BRF1: variants seen among roughly 807,000 people sequenced by gnomAD.
BRF1 encodes the protein BRF1 general transcription factor IIIB subunit, also known as transcription factor IIIB 90 kDa subunit.
BRF1 carries 59 observed loss-of-function variants against 81.7 expected under a neutral mutation model. The observed-to-expected ratio is 0.72, with a 90% CI of 0.59 to 0.90. The LOEUF (loss-of-function observed/expected upper bound fraction) is 0.90. Among genes scored for constraint, BRF1 ranks in the 40% least tolerant of loss-of-function variants. The pLI is 0.00. For missense variants in BRF1, 1,050 were observed against 936.3 expected (o/e 1.12, Z -1.58); for synonymous variants, 491 against 395.6 (o/e 1.24, Z -2.86).
Position 105,271,833 on chromosome 14 carries a change from C to T in BRF1, c.439+888G>A, listed in dbSNP as rs984850019. Among the ~76,000 whole-genome samples, 4 of 151,826 alleles carry T rather than the reference C, an allele frequency of 2.6e-5. No homozygotes were observed. The highest frequency in any genetic ancestry group is 1.3e-4 in the Admixed American group (2 of 15,266). On this transcript the variant is annotated intron_variant, in intron 3 of 17. Coordinates refer to ENST00000547530, the MANE Select transcript of BRF1 (RefSeq NM_001519.4). This position sits in a 1 kb window ranked among gnomAD's most constrained non-coding sequence, Gnocchi z 5.5. ...GGCCAAGCTGCACACCGCTGAGGGT[C>T]GGCAGCCTCCCCGCCCACCGCCTGC...
intron 2 of BRF1, 37 bp downstream of exon 2, chr14:105,286,259 C>A (rs1179941077): frequency 3.2e-6 from 5 of 1,587,198 alleles, no homozygotes; most frequent in Non-Finnish European, 4.3e-6. Flanking sequence ...TCTCTGGGAC[C>A]CGCCGCACGC....
At chr14:105,226,583 C>G (rs747705320) in intron 8 of BRF1, 51 bp downstream of exon 8, 4 of 1,607,146 alleles carry the variant, frequency 2.5e-6, no homozygotes, top group Non-Finnish European at 3.4e-6. Context: ...TGTGTGGCTT[C>G]CCCCCAAGGC....
chr14:105,257,984 C>G (rs74092241), intron 3 of BRF1, among the ~76,000 whole-genome samples: 3 of 152,166 alleles, frequency 2.0e-5, no homozygotes, highest in African/African-American at 7.2e-5. Flanking sequence ...TTTGTGAAAA[C>G]CCATAGAAGG....
At chr14:105,214,631 A>G (rs1460651695) in intron 15 of BRF1, among the ~76,000 whole-genome samples, 1 of 151,986 alleles carries the variant, frequency 6.6e-6, no homozygotes, top group Non-Finnish European at 1.5e-5. Flanking sequence ...AGGTGGCCAG[A>G]GGGAGATGGG....
intron 16 of BRF1, 144 bp from the exon 17 acceptor site, chr14:105,211,437 G>T: frequency 1.4e-6 from 1 of 713,926 alleles, no homozygotes; most frequent in East Asian, 2.9e-5. Context: ...GGGCTCCCAG[G>T]CCCACTGGCC....
At chr14:105,249,103 G>A (rs749682167) in intron 5 of BRF1, 4 of 1,492,924 alleles carry the variant, frequency 2.7e-6, no homozygotes, top group Middle Eastern at 2.2e-4. Flanking sequence ...CGTGCCCCGC[G>A]GCCCCCGCGC....
At chr14:105,211,863 C>T in intron 16 of BRF1, 1 of 563,918 alleles carries the variant, frequency 1.8e-6, no homozygotes, top group East Asian at 3.0e-5. Context: ...CAAGGCTGCT[C>T]AGCCTTGGCC....
chr14:105,296,992 T>C lies in BRF1; in HGVS notation c.184+3454A>G, dbSNP rs140855978. On this transcript the variant is annotated intron_variant, in intron 1 of 17. Transcript: ENST00000547530. Reference sequence around the variant, plus strand: ...GGCCAACATGGTGAAACCCTGTCTCTACTAAAAATACAAAAATTAGCCAGG... The same window carrying C: ...GGCCAACATGGTGAAACCCTGTCTCCACTAAAAATACAAAAATTAGCCAGG... 8.7e-3 allele frequency among the ~76,000 whole-genome samples: 1,312 copies of C among 151,480 alleles called. 16 individuals are homozygous for C. Among genetic ancestry groups the C allele is most frequent in the African/African-American group, 0.03 (1,237 of 41,272 alleles).
upstream of BRF1, among the ~76,000 whole-genome samples, chr14:105,302,337 G>A (rs2058064232): frequency 6.6e-6 from 1 of 151,336 alleles, no homozygotes; most frequent in African/African-American, 2.4e-5. Flanking sequence ...CCGAGTAGCT[G>A]GGATTACAGG....
In BRF1 at chr14:105,209,964, A is replaced by G. The variant is rs1283355401; in HGVS notation, c.*587T>C. 9 of 303,974 alleles carry G rather than the reference A, an allele frequency of 3.0e-5. No homozygotes were observed. Among genetic ancestry groups the G allele is most frequent in the African/African-American group, 1.1e-4 (5 of 46,008 alleles). The allele number at this position is 303,974 out of a possible 1,614,324, so 18.8% of individuals were successfully genotyped here. A position where few individuals can be genotyped will look rare whatever the true frequency, so the allele number is the denominator to read the frequency against. ...GGTGTCTGCCTCGGACGAGGCAGGT[A>G]TCTGGATGCAGGGCCACAGCTGGAG... On this transcript the variant is annotated 3_prime_UTR_variant, in exon 18 of 18. Transcript: ENST00000547530.
intron 1 of BRF1, among the ~76,000 whole-genome samples, chr14:105,291,502 C>G (rs1038863796): frequency 3.9e-5 from 6 of 152,032 alleles, no homozygotes; most frequent in Admixed American, 2.0e-4. Flanking sequence ...AGGGCGAAAC[C>G]CCGTCTCTAC....
At chr14:105,218,238 C>T (rs587621962) in intron 14 of BRF1, among the ~76,000 whole-genome samples, 4 of 152,298 alleles carry the variant, frequency 2.6e-5, no homozygotes, top group South Asian at 4.1e-4. Context: ...CCCAGCTGCC[C>T]GAAGACCCTG....
rs1333868845 is a variant in BRF1 at position 105,209,449 on chromosome 14, C to G, written c.*1102G>C. 1 of 696,846 alleles carries G rather than the reference C, an allele frequency of 1.4e-6. No homozygotes were observed. The highest frequency in any genetic ancestry group is 1.5e-5 in the South Asian group (1 of 66,614). The allele number at this position is 696,846 out of a possible 1,614,324, so 43.2% of individuals were successfully genotyped here. A position where few individuals can be genotyped will look rare whatever the true frequency, so the allele number is the denominator to read the frequency against. On this transcript the variant is annotated 3_prime_UTR_variant, in exon 18 of 18. Coordinates refer to ENST00000547530, the MANE Select transcript of BRF1 (RefSeq NM_001519.4). ...TTGGGGCAGGACATACAGCCCATTCCATGGGGAGGATGAGGCCCCTGGGGG... is the reference window on the plus strand; with the variant it reads ...TTGGGGCAGGACATACAGCCCATTCGATGGGGAGGATGAGGCCCCTGGGGG...
At chr14:105,254,352 G>A (rs1000835399) in intron 4 of BRF1, among the ~76,000 whole-genome samples, 3 of 152,114 alleles carry the variant, frequency 2.0e-5, no homozygotes, top group Non-Finnish European at 4.4e-5. Context: ...TGCCTCCCGG[G>A]TTCACGTCAT....
chr14:105,286,462 G>A, intron 1 of BRF1, 86 bp from the exon 2 acceptor site: 1 of 1,381,328 alleles, frequency 7.2e-7, no homozygotes. Flanking sequence ...CACAAAGTGA[G>A]AACAAAGCGG....
intron 7 of BRF1, among the ~76,000 whole-genome samples, 192 bp downstream of exon 7, chr14:105,228,628 C>T (rs989698884): frequency 6.6e-6 from 1 of 152,012 alleles, no homozygotes; most frequent in Non-Finnish European, 1.5e-5. Flanking sequence ...GCAGGGAACT[C>T]TCTGGAGGGA....
chr14:105,224,022 A>G (rs948669171), intron 10 of BRF1, among the ~76,000 whole-genome samples: 1 of 152,232 alleles, frequency 6.6e-6, no homozygotes, highest in Admixed American at 6.5e-5. Flanking sequence ...TAAGCCAATG[A>G]GAATTCCCAA....
chr14:105,249,038 C>T (rs1314587694), intron 5 of BRF1: 2 of 1,257,592 alleles, frequency 1.6e-6, no homozygotes, highest in East Asian at 7.0e-5. Flanking sequence ...GCAACAACCA[C>T]CAGGAGAGCC....
At chr14:105,282,525 T>C (rs28489970) in intron 2 of BRF1, among the ~76,000 whole-genome samples, 38,697 of 152,022 alleles carry the variant, frequency 0.25, 5,100 homozygotes, top group South Asian at 0.28. Flanking sequence ...GGACCAGGGC[T>C]GATATGAAAA....
Sources: gnomAD v4.1 joint callset for allele counts (sites outside exome capture counted in the v4.1 genomes callset) on GRCh38, gnomAD v4.1.1 for gene constraint, Gnocchi (gnomAD v3.1) non-coding constraint, MANE v1.5 for transcripts, NCBI Gene and HGNC (gene_info 2026-07-23, HGNC 2026-07-21) for gene names.